Variants in ATAD2 observed in about 807,000 individuals in gnomAD.
ATAD2 encodes ATPase family AAA domain-containing protein 2.
In ATAD2, 62 loss-of-function variants were observed where a neutral mutation model predicts 168.9. The observed-to-expected ratio is 0.37, with a 90% CI of 0.30 to 0.45. The LOEUF (loss-of-function observed/expected upper bound fraction) is 0.45. Among genes scored for constraint, ATAD2 ranks in the 20% least tolerant of loss-of-function variants. The probability of loss-of-function intolerance (pLI) is 1.00; values close to 1 mark genes in which losing one functional copy is unlikely to be tolerated. For missense variants in ATAD2, 1,419 were observed against 1,667.8 expected (o/e 0.85, Z 2.60); for synonymous variants, 613 against 571.6 (o/e 1.07, Z -1.03).
intron 25 of ATAD2, among the ~76,000 whole-genome samples, chr8:123,326,560 C>T (rs1827621290): frequency 6.6e-6 from 1 of 151,852 alleles, no homozygotes; most frequent in Non-Finnish European, 1.5e-5. Context: ...TGCCTATAGT[C>T]CCAGCTGCTT....
chr8:123,356,571 T>A (rs1446284508), intron 12 of ATAD2, 94 bp from the exon 13 acceptor site: 1 of 749,480 alleles, frequency 1.3e-6, no homozygotes, highest in South Asian at 2.5e-5. Context: ...CATTCAAATA[T>A]GCTTAACAGA....
At chr8:123,328,699 T>C in intron 24 of ATAD2, 120 bp from the exon 25 acceptor site, 4 of 1,048,146 alleles carry the variant, frequency 3.8e-6, no homozygotes, top group Non-Finnish European at 5.2e-6. Flanking sequence ...TTTTGTATGA[T>C]TAAAATACAG....
chr8:123,394,088 C>T (rs1204269338), intron 1 of ATAD2, among the ~76,000 whole-genome samples: 1 of 150,916 alleles, frequency 6.6e-6, no homozygotes, highest in Non-Finnish European at 1.5e-5. Context: ...GGTTTTTTTT[C>T]CTGAGGAACT....
chr8:123,370,105 A>G (rs1829106723), intron 6 of ATAD2, 81 bp from the exon 7 acceptor site: 13 of 1,332,342 alleles, frequency 9.8e-6, no homozygotes, highest in East Asian at 2.3e-5. Flanking sequence ...TTGGGAGAGA[A>G]AGATCCACCC....
intron 1 of ATAD2, among the ~76,000 whole-genome samples, chr8:123,388,497 G>A (rs1017663958): frequency 2.0e-5 from 3 of 151,924 alleles, no homozygotes; most frequent in Admixed American, 6.6e-5. Context: ...GGGTTCAAGC[G>A]ATTCTCTCTC....
intron 13 of ATAD2, chr8:123,352,060 G>C (rs1330976208): frequency 3.3e-5 from 5 of 152,362 alleles, no homozygotes; most frequent in Non-Finnish European, 7.3e-5. Context: ...AAAAACTGAT[G>C]ATTTTTAAGA....
At chr8:123,339,664 A>G (rs1828012513) in intron 19 of ATAD2, among the ~76,000 whole-genome samples, 1 of 152,132 alleles carries the variant, frequency 6.6e-6, no homozygotes, top group Non-Finnish European at 1.5e-5. Context: ...ATATATACAC[A>G]CATGCATATG....
intron 19 of ATAD2, among the ~76,000 whole-genome samples, chr8:123,343,948 T>C (rs1047539369): frequency 2.0e-5 from 3 of 152,222 alleles, no homozygotes; most frequent in African/African-American, 7.2e-5. Flanking sequence ...AGAAGCAGTA[T>C]GGCCTTTTGT....
At chr8:123,365,133 A>C (rs1828935685) in intron 8 of ATAD2, among the ~76,000 whole-genome samples, 1 of 152,202 alleles carries the variant, frequency 6.6e-6, no homozygotes, top group African/African-American at 2.4e-5. Context: ...ATATACCAAC[A>C]GTGGCCAAGC....
intron 27 of ATAD2, among the ~76,000 whole-genome samples, chr8:123,321,862 T>A (rs1827477473): frequency 6.6e-6 from 1 of 151,968 alleles, no homozygotes; most frequent in South Asian, 2.1e-4. Flanking sequence ...AGCTCAGGAG[T>A]TCCAGGTTAT....
intron 1 of ATAD2, among the ~76,000 whole-genome samples, chr8:123,388,074 C>T (rs761446252): frequency 1.3e-5 from 2 of 152,206 alleles, no homozygotes; most frequent in African/African-American, 2.4e-5. Context: ...ACCATCTACT[C>T]GGTAAACTCC....
intron 24 of ATAD2, among the ~76,000 whole-genome samples, chr8:123,333,128 C>G (rs966609153): frequency 6.7e-6 from 1 of 150,186 alleles, no homozygotes; most frequent in East Asian, 2.0e-4. Flanking sequence ...GTGGCTCACG[C>G]CTGTAATCCC....
intron 22 of ATAD2, among the ~76,000 whole-genome samples, chr8:123,335,440 C>T (rs917380945): frequency 1.3e-5 from 2 of 152,136 alleles, no homozygotes; most frequent in African/African-American, 4.8e-5. Flanking sequence ...CTATACTAAT[C>T]AATCTAACTA....
rs775376056 is a variant in ATAD2 at position 123,357,684 on chromosome 8, C to T, written c.1435G>A (p.Ala479Thr). The change falls in exon 12 of 28, where the codon GCA (alanine) becomes ACA (threonine). Residue 479 changes from alanine (A) to threonine (T), a missense_variant. Physicochemically the swap from Ala to Thr is moderately conservative, Grantham distance 58. Coordinates refer to ENST00000287394, the MANE Select transcript of ATAD2 (RefSeq NM_014109.4). ...CCTTGACTGCACTCATTGGCAAGTG[C>T]TCTGGCAACCAGAGTCTTTCCAGTT... ...PGTGKTLVAR[A>T]LANECSQGDK... is the part of the protein sequence containing the mutation. 1 of 1,613,554 alleles carries T rather than the reference C, an allele frequency of 6.2e-7. No individual in the cohort carries two copies. Among genetic ancestry groups the T allele is most frequent in the Non-Finnish European group, 8.5e-7 (1 of 1,179,850 alleles).
intron 26 of ATAD2, among the ~76,000 whole-genome samples, chr8:123,324,529 GGT>G (rs1827553588): frequency 6.6e-6 from 1 of 152,178 alleles, no homozygotes; most frequent in Non-Finnish European, 1.5e-5. Flanking sequence ...CCGTTGTTTA[GGT>G]GTGTCAGGGT....
At chr8:123,393,552 G>A (rs1812692901) in intron 1 of ATAD2, among the ~76,000 whole-genome samples, 2 of 151,780 alleles carry the variant, frequency 1.3e-5, no homozygotes, top group East Asian at 3.9e-4. Flanking sequence ...GACTGTTGAG[G>A]GAAGGTGGGG....
At chr8:123,387,332 A>G (rs1030800320) in intron 1 of ATAD2, among the ~76,000 whole-genome samples, 2 of 152,138 alleles carry the variant, frequency 1.3e-5, no homozygotes, top group Admixed American at 6.5e-5. Context: ...TTCTGATGTT[A>G]TAAATATCTC....
chr8:123,349,255 G>A (rs772489005), intron 14 of ATAD2, 30 bp downstream of exon 14: 5 of 1,594,332 alleles, frequency 3.1e-6, no homozygotes, highest in Non-Finnish European at 4.3e-6. Context: ...AATATATTTT[G>A]TCAAAATTTG....
At chr8:123,378,518 A>G (rs1431507537) in intron 2 of ATAD2, among the ~76,000 whole-genome samples, 1 of 151,974 alleles carries the variant, frequency 6.6e-6, no homozygotes, top group Non-Finnish European at 1.5e-5. Context: ...CCTGGCCAAC[A>G]TGGCGAAACC....
Sources: gnomAD v4.1 joint callset for allele counts (sites outside exome capture counted in the v4.1 genomes callset) on GRCh38, gnomAD v4.1.1 for gene constraint, MANE v1.5 for transcripts, NCBI Gene and HGNC (gene_info 2026-07-23, HGNC 2026-07-21) for gene names.